PKP3: variants seen among roughly 807,000 people sequenced by gnomAD.
The protein encoded by PKP3 is plakophilin-3.
PKP3 carries 66 observed loss-of-function variants against 76.5 expected under a neutral mutation model. That is an observed-to-expected ratio of 0.86 (90% CI 0.71 to 1.06). The LOEUF is 1.06. Among genes scored for constraint, PKP3 ranks in the 50% least tolerant of loss-of-function variants. The pLI is 0.00. For missense variants in PKP3, 1,338 were observed against 1,141.0 expected, an observed-to-expected ratio of 1.17 and a Z score of -2.49; for synonymous variants, 638 against 516.5, an observed-to-expected ratio of 1.24 and a Z score of -3.19.
At chr11:396,292 G>A (rs1847043658) in intron 1 of PKP3, 1 of 349,620 alleles carries the variant, frequency 2.9e-6, no homozygotes. Flanking sequence ...GCAAGGATTG[G>A]AGAACTGATG....
chr11:403,402 A>AGGCCTTG lies in PKP3; in HGVS notation c.1923+149_1923+155dup, dbSNP rs1411214782. Reference sequence around the variant, plus strand: ...TCGGAGGTCAGCGTCCCGGTGGCGCAGGCCTTGGGCCTTGGGAGGATGGAA... The same window carrying AGGCCTTG: ...TCGGAGGTCAGCGTCCCGGTGGCGCAGGCCTTGGGCCTTGGGCCTTGGGAGGATGGAA... On this transcript the variant is annotated intron_variant, in intron 9 of 12. Transcript: ENST00000331563. 72 of 860,910 alleles carry AGGCCTTG rather than the reference A, an allele frequency of 8.4e-5. 4 individuals are homozygous for AGGCCTTG. The highest frequency in any genetic ancestry group is 7.8e-4 in the African/African-American group (46 of 58,964). 53.3% of individuals were successfully genotyped at this position (860,910 alleles called of 1,614,324 possible).
At chr11:398,865 G>A (rs568649445) in intron 4 of PKP3, 127 bp from the exon 5 acceptor site, 61 of 739,068 alleles carry the variant, frequency 8.3e-5, no homozygotes, top group Middle Eastern at 4.1e-4. Flanking sequence ...ACACACCTCC[G>A]TCACCTCCCT....
chr11:404,692 C>T lies in PKP3; in HGVS notation c.*123C>T. The T allele has an allele frequency of 1.1e-6, 1 of 871,928 alleles. No homozygotes were observed. Among genetic ancestry groups the T allele is most frequent in the Non-Finnish European group, 1.8e-6 (1 of 545,960 alleles). 54.0% of individuals were successfully genotyped at this position (871,928 alleles called of 1,614,324 possible). ...TGACGGAGGGGCCCCTCGCTGGGGC[C>T]CCTGTGTGCATCTTTGAGGGTCCTG... is the stretch of plus-strand genomic sequence containing the variant. On this transcript the variant is annotated 3_prime_UTR_variant, in exon 13 of 13. Coordinates refer to ENST00000331563, the MANE Select transcript of PKP3 (RefSeq NM_007183.4). This position sits in a 1 kb window ranked among gnomAD's most constrained non-coding sequence, Gnocchi z 4.2.
intron 1 of PKP3, among the ~76,000 whole-genome samples, chr11:395,902 G>T (rs1234336235): frequency 6.6e-6 from 1 of 152,110 alleles, no homozygotes; most frequent in South Asian, 2.1e-4. Flanking sequence ...GTCGACGGCT[G>T]TCCCACCCCT....
In PKP3 at chr11:403,668, C is replaced by A. The variant is rs545111533; in HGVS notation, c.1974C>A (p.Asn658Lys). 5 of 1,610,036 alleles carry A rather than the reference C, an allele frequency of 3.1e-6. No homozygotes were observed. The highest frequency in any genetic ancestry group is 4.2e-6 in the Non-Finnish European group (5 of 1,179,742). ...CCCTGGAGCAGGAGCGTATTCTGAA[C>A]CCCCTGCTAGACCGTGTCAGGACCG... ...RLALEQERIL[N>K]PLLDRVRTAD... The change falls in exon 10 of 13, where the codon AAC becomes AAA. Residue 658 changes from asparagine (N) to lysine (K), a missense_variant. Asn to Lys is a moderately conservative substitution (Grantham distance 94). Coordinates refer to ENST00000331563, the MANE Select transcript of PKP3 (RefSeq NM_007183.4).
intron 9 of PKP3, 47 bp downstream of exon 9, chr11:403,310 G>T: frequency 7.2e-7 from 1 of 1,395,970 alleles, no homozygotes. Flanking sequence ...GGTTCATGCG[G>T]TTGAGGGGGG....
rs1211702133 is a variant in PKP3 at position 400,122 on chromosome 11, A to C, written c.1429A>C (p.Asn477His). 6.4e-7 allele frequency: 1 copy of C among 1,568,526 alleles called. No homozygotes were observed. The highest frequency in any genetic ancestry group is 1.9e-5 in the Admixed American group (1 of 52,204). ...CGCCTCGGAGGCAGAGATCTTCTACAACGCCACCGGCTTCCTCAGGTGCGC... is the reference window on the plus strand; with the variant it reads ...CGCCTCGGAGGCAGAGATCTTCTACCACGCCACCGGCTTCCTCAGGTGCGC... The part of the protein sequence containing the change: ...QNASEAEIFY[N>H]ATGFLRNLSS... The change falls in exon 6 of 13, where the codon AAC (asparagine) becomes CAC (histidine). Residue 477 changes from asparagine to histidine, a missense_variant. Coordinates refer to ENST00000331563, the MANE Select transcript of PKP3 (RefSeq NM_007183.4).
At position 404,699 on chromosome 11, in the gene PKP3, T is replaced by G. The variant is rs1847227755; in HGVS notation, c.*130T>G. On this transcript the variant is annotated 3_prime_UTR_variant, in exon 13 of 13. Transcript: ENST00000331563. The surrounding 1 kb of genome is among the most constrained non-coding windows in gnomAD (Gnocchi z 4.2). ...GGGGCCCCTCGCTGGGGCCCCTGTGTGCATCTTTGAGGGTCCTGGGCCACC... is the reference window on the plus strand; with the variant it reads ...GGGGCCCCTCGCTGGGGCCCCTGTGGGCATCTTTGAGGGTCCTGGGCCACC... The G allele has an allele frequency of 1.2e-6, 1 of 821,156 alleles. No homozygotes were observed. The highest frequency in any genetic ancestry group is 1.7e-5 in the African/African-American group (1 of 57,934). 50.9% of individuals were successfully genotyped at this position (821,156 alleles called of 1,614,324 possible).
At chr11:403,316 G>C (rs1194876278) in intron 9 of PKP3, 53 bp downstream of exon 9, 3 of 1,387,614 alleles carry the variant, frequency 2.2e-6, no homozygotes, top group Non-Finnish European at 2.9e-6. Context: ...TGCGGTTGAG[G>C]GGGGGACAGA....
rs140851999 is a variant in PKP3 at position 403,627 on chromosome 11, G to T, written c.1933G>T (p.Val645Leu). ...ITAGDRRWAG[V>L]LSRLALEQER... ...CCCTCCCTCCCCACAGTGGGCGGGG[G>T]TGCTGAGCCGCCTGGCCCTGGAGCA... The change falls in exon 10 of 13, where the codon GTG becomes TTG. Residue 645 changes from valine (V) to leucine (L), a missense_variant. Physicochemically the swap from Val to Leu is conservative, Grantham distance 32. Transcript: ENST00000331563. 1.9e-6 allele frequency: 3 copies of T among 1,605,472 alleles called. No homozygotes were observed. The African/African-American group carries it at 4.0e-5, about 21-fold the overall frequency.
Position 403,065 on chromosome 11 carries a change from C to G in PKP3, c.1738-13C>G, listed in dbSNP as rs1206693231. 2 of 1,450,402 alleles carry G rather than the reference C, an allele frequency of 1.4e-6. No individual in the cohort carries two copies. The highest frequency in any genetic ancestry group is 1.8e-6 in the Non-Finnish European group (2 of 1,104,264). 89.8% of individuals were successfully genotyped at this position (1,450,402 alleles called of 1,614,324 possible). A position where few individuals can be genotyped will look rare whatever the true frequency, so the allele number is the denominator to read the frequency against. On this transcript the variant is annotated splice_polypyrimidine_tract_variant and intron_variant, in intron 8 of 12. Coordinates refer to ENST00000331563, the MANE Select transcript of PKP3 (RefSeq NM_007183.4). ...TCACCCCGACCCCGCCGACTCCTCC[C>G]CGCCCTGCGCAGCTGCCCCTCGCCG...
In PKP3 at chr11:404,651, TGGA is replaced by T; in HGVS notation, c.*87_*89del. 1 of 1,401,840 alleles carries T rather than the reference TGGA, an allele frequency of 7.1e-7. No individual in the cohort carries two copies. The highest frequency in any genetic ancestry group is 1.7e-5 in the Admixed American group (1 of 58,296). The allele number at this position is 1,401,840 out of a possible 1,614,324, so 86.8% of individuals were successfully genotyped here. On this transcript the variant is annotated 3_prime_UTR_variant, in exon 13 of 13. Coordinates refer to ENST00000331563, the MANE Select transcript of PKP3 (RefSeq NM_007183.4). The surrounding 1 kb of genome is among the most constrained non-coding windows in gnomAD (Gnocchi z 4.2). ...CTCCAGGCTGCTTGGCAGCCCAGCC[TGGA>T]GGAGAAGGCTAATGACGGAGGGGCC...
In PKP3 at chr11:397,050, G is replaced by T. The variant is rs74681806; in HGVS notation, c.549G>T (p.Ser183=). 2 of 1,599,242 alleles carry T rather than the reference G, an allele frequency of 1.3e-6. No homozygotes were observed. The highest frequency in any genetic ancestry group is 1.7e-5 in the Admixed American group (1 of 59,910). Residue 183 remains serine, a synonymous_variant, in exon 3 of 13, where the codon TCG becomes TCT. Coordinates refer to ENST00000331563, the MANE Select transcript of PKP3 (RefSeq NM_007183.4). ...ACTATGACACACTCTCCCTGCGCTCGCTGCGGCTGGGGCCCGGGGGCCTGG... is the reference window on the plus strand; with the variant it reads ...ACTATGACACACTCTCCCTGCGCTCTCTGCGGCTGGGGCCCGGGGGCCTGG... ...RADYDTLSLR[S]LRLGPGGLDD... is the part of the protein sequence containing the mutation.
intron 4 of PKP3, 156 bp downstream of exon 4, chr11:397,818 C>T: frequency 1.5e-6 from 1 of 689,568 alleles, no homozygotes; most frequent in South Asian, 1.9e-5. Context: ...AGAGGAAGAG[C>T]AGAAGGATAC....
chr11:399,397 C>T (rs1169581424), intron 5 of PKP3, among the ~76,000 whole-genome samples: 19 of 55,124 alleles, frequency 3.4e-4, no homozygotes, highest in African/African-American at 1.5e-3. Flanking sequence ...CTGCCCCACT[C>T]CTCCACCTGC....
In PKP3 at chr11:400,611, A is replaced by T. The variant is rs1165677688; in HGVS notation, c.1643A>T (p.Gln548Leu). ...LYDEMPPSALQRLEGRGRRDL... is the reference protein window; with the variant it reads ...LYDEMPPSALLRLEGRGRRDL... ...GACGAGATGCCGCCGTCCGCGCTGC[A>T]GCGGCTGGAGGGTCGCGGCCGCAGG... The change falls in exon 8 of 13, where the codon CAG becomes CTG. Residue 548 changes from glutamine to leucine, a missense_variant. Gln to Leu is a moderately radical substitution (Grantham distance 113). Coordinates refer to ENST00000331563, the MANE Select transcript of PKP3 (RefSeq NM_007183.4). The T allele has an allele frequency of 2.1e-6, 3 of 1,443,752 alleles. No individual in the cohort carries two copies. Among genetic ancestry groups the T allele is most frequent in the Non-Finnish European group, 2.7e-6 (3 of 1,107,556 alleles). The allele number at this position is 1,443,752 out of a possible 1,614,324, so 89.4% of individuals were successfully genotyped here. A position where few individuals can be genotyped will look rare whatever the true frequency, so the allele number is the denominator to read the frequency against.
chr11:404,145 G>C lies in PKP3; in HGVS notation c.2270+10G>C, dbSNP rs749401825. 2 of 1,608,310 alleles carry C rather than the reference G, an allele frequency of 1.2e-6. No homozygotes were observed. Among genetic ancestry groups the C allele is most frequent in the Non-Finnish European group, 1.7e-6 (2 of 1,177,014 alleles). On this transcript the variant is annotated intron_variant, in intron 11 of 12. Transcript: ENST00000331563. The surrounding 1 kb of genome is among the most constrained non-coding windows in gnomAD (Gnocchi z 4.2). ...AGAAGAAGCGGGACAGGTAGGGGCC[G>C]ACCCAGCCGTGCAGCAGCCTGGTCA...
chr11:399,932 G>C, intron 5 of PKP3, 35 bp from the exon 6 acceptor site: 1 of 1,548,282 alleles, frequency 6.5e-7, no homozygotes. Flanking sequence ...GGGGTTGGAG[G>C]GCAGACGCTG....
chr11:397,692 C>T lies in PKP3; in HGVS notation c.1068+30C>T, dbSNP rs757088043. On this transcript the variant is annotated intron_variant, in intron 4 of 12. Coordinates refer to ENST00000331563, the MANE Select transcript of PKP3 (RefSeq NM_007183.4). ...CCACCCCGACCACCCACTCGCTGCC[C>T]CCTGGTGACCTCCTTCGTGGGCCCC... 24 of 1,602,302 alleles carry T rather than the reference C, an allele frequency of 1.5e-5. No individual in the cohort carries two copies. In the Admixed American group the frequency reaches 2.4e-4, roughly 16 times the overall value.
Sources: gnomAD v4.1 joint callset for allele counts (sites outside exome capture counted in the v4.1 genomes callset) on GRCh38, gnomAD v4.1.1 for gene constraint, Gnocchi (gnomAD v3.1) non-coding constraint, MANE v1.5 for transcripts, NCBI Gene and HGNC (gene_info 2026-07-23, HGNC 2026-07-21) for gene names.